BAIAP2: variants seen among roughly 807,000 people sequenced by gnomAD.
BAIAP2 encodes BAR/IMD domain containing adaptor protein 2, also known as BAR/IMD domain-containing adapter protein 2.
Under a neutral mutation model 63.0 loss-of-function variants are expected in BAIAP2, and 18 were observed. The ratio of observed to expected loss-of-function variants is 0.29; its 90% CI spans 0.20 to 0.42. BAIAP2 has a LOEUF of 0.42. Ranked by LOEUF, BAIAP2 falls within the 10% of genes least tolerant of loss-of-function variation. BAIAP2 has a pLI of 1.00. For synonymous variants in BAIAP2, 386 were observed against 307.6 expected (o/e 1.25, Z -2.67); for missense variants, 610 against 734.3 (o/e 0.83, Z 1.96).
At chr17:81,101,285 C>A (rs931603946) in intron 7 of BAIAP2, among the ~76,000 whole-genome samples, 2 of 152,120 alleles carry the variant, frequency 1.3e-5, no homozygotes, top group African/African-American at 4.8e-5. Flanking sequence ...CAGCAGCCCC[C>A]TCCATGGATA....
At chr17:81,040,041 C>T (rs528937281) in intron 1 of BAIAP2, among the ~76,000 whole-genome samples, 8 of 151,418 alleles carry the variant, frequency 5.3e-5, no homozygotes, top group Non-Finnish European at 1.2e-4. Context: ...CTTGCATGGC[C>T]CTCTCTGCCA....
At chr17:81,104,217 A>G (rs925529948) in intron 9 of BAIAP2, 109 bp downstream of exon 9, 9 of 1,221,352 alleles carry the variant, frequency 7.4e-6, no homozygotes, top group Middle Eastern at 2.0e-4. Context: ...GAGGCTCACA[A>G]TTATGTGACC....
chr17:81,087,963 C>A (rs2055996092), intron 6 of BAIAP2: 1 of 152,122 alleles, frequency 6.6e-6, no homozygotes, highest in Non-Finnish European at 1.5e-5. Context: ...CCTGAGGCTG[C>A]TGCAGCGAGC....
chr17:81,081,458 T>C (rs2054589986), intron 3 of BAIAP2, among the ~76,000 whole-genome samples: 1 of 152,168 alleles, frequency 6.6e-6, no homozygotes, highest in African/African-American at 2.4e-5. Context: ...AGGGGCCACG[T>C]GGCTGTGGGC....
intron 6 of BAIAP2, among the ~76,000 whole-genome samples, chr17:81,097,046 C>T (rs2057748414): frequency 2.0e-5 from 3 of 152,150 alleles, no homozygotes; most frequent in Admixed American, 2.0e-4. Context: ...GCAGAGCTTG[C>T]TGGAAAGTCT....
Position 81,103,579 on chromosome 17 carries a change from G to A in BAIAP2, c.720G>A (p.Ala240=), listed in dbSNP as rs146997101. Reference sequence around the variant, plus strand: ...ACCCCAGCAAGATCCCGGAGCGCGCGGTGCAGCTCATGCAGCAGGTGGCCA... The same window carrying A: ...ACCCCAGCAAGATCCCGGAGCGCGCAGTGCAGCTCATGCAGCAGGTGGCCA... ...CADPSKIPER[A]VQLMQQVASN... The change falls in exon 8 of 14, where the codon GCG becomes GCA. Residue 240 remains alanine, a synonymous_variant. Transcript: ENST00000428708. 30 of 1,603,734 alleles carry A rather than the reference G, an allele frequency of 1.9e-5. No individual in the cohort carries two copies. In the East Asian group the frequency reaches 3.1e-4, roughly 17 times the overall value.
rs767146364 is a variant in BAIAP2 at position 81,071,965 on chromosome 17, C to T, written c.218-12867C>T. Among the ~76,000 whole-genome samples the T allele has an allele frequency of 3.9e-5, 6 of 152,240 alleles. No individual in the cohort carries two copies. In the South Asian group the frequency reaches 6.2e-4, roughly 16 times the overall value. On this transcript the variant is annotated intron_variant, in intron 3 of 13. Coordinates refer to ENST00000428708, the MANE Select transcript of BAIAP2 (RefSeq NM_001144888.2). ...TCCATTTCCTTGCTGCCTCTCCTCT[C>T]GTCCGTGATCATCCCCCCCTCCCCC...
At chr17:81,050,609 T>C (rs1444577565) in intron 1 of BAIAP2, among the ~76,000 whole-genome samples, 1 of 152,142 alleles carries the variant, frequency 6.6e-6, no homozygotes, top group Non-Finnish European at 1.5e-5. Flanking sequence ...CGCGTGGGGC[T>C]CTTGTGAGCA....
At chr17:81,113,822 C>T (rs918943607) in intron 13 of BAIAP2, among the ~76,000 whole-genome samples, 1 of 152,182 alleles carries the variant, frequency 6.6e-6, no homozygotes, top group Non-Finnish European at 1.5e-5. Flanking sequence ...CCGTGGGGTC[C>T]AGGCAAGCGA....
chr17:81,100,318 G>A (rs2058314409), intron 7 of BAIAP2, among the ~76,000 whole-genome samples: 1 of 152,196 alleles, frequency 6.6e-6, no homozygotes, highest in Non-Finnish European at 1.5e-5. Context: ...AGTCTGATGG[G>A]CTTTCAAGGC....
Position 81,106,903 on chromosome 17 carries a change from C to T in BAIAP2, c.1496C>T (p.Ser499Phe). ...TACAGTGTGGCCGTGCCCGCCTTCT[C>T]CCAGGTCAGTGGGCGGGGCCGGGGC... ...RPYSVAVPAFSQGLDDYGARS... is the reference protein window; with the variant it reads ...RPYSVAVPAFFQGLDDYGARS... Residue 499 changes from serine (S) to phenylalanine (F), a missense_variant, in exon 12 of 14, where the codon TCC becomes TTC. Coordinates refer to ENST00000428708, the MANE Select transcript of BAIAP2 (RefSeq NM_001144888.2). 2 of 1,545,630 alleles carry T rather than the reference C, an allele frequency of 1.3e-6. No individual in the cohort carries two copies. The highest frequency in any genetic ancestry group is 1.2e-5 in the South Asian group (1 of 81,228).
At chr17:81,080,625 T>C (rs2054451105) in intron 3 of BAIAP2, among the ~76,000 whole-genome samples, 1 of 152,250 alleles carries the variant, frequency 6.6e-6, no homozygotes. Flanking sequence ...TTGGCTGTTG[T>C]CTTCCAGATG....
At chr17:81,043,621 C>G (rs904683754) in intron 1 of BAIAP2, among the ~76,000 whole-genome samples, 1 of 152,254 alleles carries the variant, frequency 6.6e-6, no homozygotes, top group South Asian at 2.1e-4. Context: ...TCCTGGCACC[C>G]GGGAGGCCCT....
intron 5 of BAIAP2, 126 bp downstream of exon 5, chr17:81,085,851 A>G (rs113442973): frequency 7.0e-6 from 5 of 715,748 alleles, no homozygotes; most frequent in Non-Finnish European, 9.4e-6. Flanking sequence ...CATGGGCCCC[A>G]GCTCTGACTT....
intron 13 of BAIAP2, chr17:81,108,854 T>G: frequency 6.9e-7 from 1 of 1,445,964 alleles, no homozygotes. Flanking sequence ...TCCTGGAGGG[T>G]CAGGAGGCCA....
rs945753588 is a variant in BAIAP2, at chr17:81,116,837, C to T, written c.*998C>T. The T allele has an allele frequency of 3.8e-5, 6 of 155,920 alleles. No homozygotes were observed. The highest frequency in any genetic ancestry group is 7.1e-5 in the Non-Finnish European group (5 of 70,020). 9.7% of individuals were successfully genotyped at this position (155,920 alleles called of 1,614,324 possible). On this transcript the variant is annotated 3_prime_UTR_variant, in exon 14 of 14. Transcript: ENST00000428708. ...AGGTGTCTCCAGCAGAGCTCACTCC[C>T]GCCTACAGCCACTCACACCCCGGGG... is the stretch of plus-strand genomic sequence containing the variant.
intron 3 of BAIAP2, among the ~76,000 whole-genome samples, chr17:81,059,035 C>A (rs1406361378): frequency 6.6e-6 from 1 of 152,178 alleles, no homozygotes; most frequent in African/African-American, 2.4e-5. Context: ...TGTCCAGGCC[C>A]CGTTCTCTCC....
chr17:81,044,462 C>G (rs1199451039), intron 1 of BAIAP2, among the ~76,000 whole-genome samples: 1 of 152,236 alleles, frequency 6.6e-6, no homozygotes, highest in South Asian at 2.1e-4. Context: ...TTGTAAGGCG[C>G]TGGTCCTATG....
intron 10 of BAIAP2, chr17:81,105,024 C>A (rs574644035): frequency 3.2e-4 from 89 of 281,114 alleles, no homozygotes; most frequent in African/African-American, 1.9e-3. Flanking sequence ...TGGCAGGTAT[C>A]TCCCCCAATG....
Sources: gnomAD v4.1 joint callset for allele counts (sites outside exome capture counted in the v4.1 genomes callset) on GRCh38, gnomAD v4.1.1 for gene constraint, MANE v1.5 for transcripts, NCBI Gene and HGNC (gene_info 2026-07-23, HGNC 2026-07-21) for gene names.